SUV39H2: variants seen among roughly 807,000 people sequenced by gnomAD.
SUV39H2 encodes histone-lysine N-methyltransferase SUV39H2.
SUV39H2 carries 10 observed loss-of-function variants against 47.5 expected under a neutral mutation model. The ratio of observed to expected loss-of-function variants is 0.21; its 90% confidence interval spans 0.13 to 0.36. The LOEUF (loss-of-function observed/expected upper bound fraction) is 0.36, where lower values mean the gene tolerates loss of function less well. Among genes scored for constraint, SUV39H2 ranks in the 10% least tolerant of loss-of-function variants. The pLI is 1.00. For synonymous variants in SUV39H2, 159 were observed against 166.8 expected (o/e 0.95, Z 0.36); for missense variants, 266 against 487.4 (o/e 0.55, Z 4.28).
intron 4 of SUV39H2, among the ~76,000 whole-genome samples, chr10:14,900,245 G>T (rs1358044548): frequency 1.3e-5 from 2 of 152,070 alleles, no homozygotes; most frequent in African/African-American, 2.4e-5. Context: ...CAGAATTCTG[G>T]ACTCTAAATA....
intron 2 of SUV39H2, among the ~76,000 whole-genome samples, chr10:14,894,966 C>G (rs1833520137): frequency 6.6e-6 from 1 of 152,116 alleles, no homozygotes; most frequent in South Asian, 2.1e-4. Flanking sequence ...TCTCAATTAA[C>G]AAGATTTTTC....
chr10:14,894,857 C>A (rs1207193055), intron 2 of SUV39H2, among the ~76,000 whole-genome samples: 1 of 152,116 alleles, frequency 6.6e-6, no homozygotes, highest in Non-Finnish European at 1.5e-5. Context: ...ATGGCTTAGA[C>A]CTTTTGTCAT....
At chr10:14,879,891 A>C (rs1374382823) in intron 1 of SUV39H2, 1 of 148,068 alleles carries the variant, frequency 6.8e-6, no homozygotes, top group African/African-American at 2.5e-5. Context: ...TTCTTTTTTT[A>C]ACCACGTGTT....
At chr10:14,898,349 A>G (rs1833751330) in intron 3 of SUV39H2, 1 of 151,528 alleles carries the variant, frequency 6.6e-6, no homozygotes, top group Non-Finnish European at 1.5e-5. Context: ...AGTCTTCACC[A>G]TGGCACCACA....
chr10:14,881,658 T>C lies in SUV39H2; in HGVS notation c.177+13T>C, dbSNP rs1262044911. ...CAAGGTAGTAAAGGTAAGGCAAATA[T>C]CTAGCCCCTTACAAGAGACCTAATC... On this transcript the variant is annotated intron_variant, in intron 2 of 5. Transcript: ENST00000354919. 4 of 1,529,170 alleles carry C rather than the reference T, an allele frequency of 2.6e-6. No individual in the cohort carries two copies. The highest frequency in any genetic ancestry group is 2.6e-5 in the South Asian group (2 of 76,056). The allele number at this position is 1,529,170 out of a possible 1,614,324, so 94.7% of individuals were successfully genotyped here. A position where few individuals can be genotyped will look rare whatever the true frequency, so the allele number is the denominator to read the frequency against.
chr10:14,900,426 A>C (rs921882048), intron 4 of SUV39H2, among the ~76,000 whole-genome samples: 1 of 152,172 alleles, frequency 6.6e-6, no homozygotes, highest in African/African-American at 2.4e-5. Flanking sequence ...ACCATGTTAA[A>C]CTTCTGATGG....
chr10:14,887,524 A>C (rs781643812), intron 2 of SUV39H2, among the ~76,000 whole-genome samples: 1 of 152,250 alleles, frequency 6.6e-6, no homozygotes, highest in African/African-American at 2.4e-5. Context: ...AACTTAAACC[A>C]ACTGGAAGTG....
intron 2 of SUV39H2, among the ~76,000 whole-genome samples, chr10:14,886,590 C>T (rs1833216623): frequency 1.3e-5 from 2 of 152,202 alleles, no homozygotes; most frequent in Admixed American, 1.3e-4. Context: ...ACTAGGCCTT[C>T]CTGGCTTCAT....
At chr10:14,879,141 G>T (rs1357780569) in intron 1 of SUV39H2, 5 of 1,237,734 alleles carry the variant, frequency 4.0e-6, no homozygotes, top group East Asian at 3.3e-5. Flanking sequence ...GGCACTGTCC[G>T]AGCCTGGGGC....
intron 2 of SUV39H2, among the ~76,000 whole-genome samples, chr10:14,884,557 C>T (rs1318999289): frequency 6.6e-6 from 1 of 152,120 alleles, no homozygotes; most frequent in Non-Finnish European, 1.5e-5. Flanking sequence ...GGATACAAAT[C>T]CCTTATTAGT....
chr10:14,899,290 A>T (rs1001946357), intron 3 of SUV39H2: 10 of 702,108 alleles, frequency 1.4e-5, no homozygotes, highest in Non-Finnish European at 2.6e-5. Flanking sequence ...ACCGCATTCT[A>T]GCCTGAGTGA....
chr10:14,895,874 T>C (rs1354599538), intron 2 of SUV39H2, among the ~76,000 whole-genome samples: 3 of 151,882 alleles, frequency 2.0e-5, no homozygotes, highest in Non-Finnish European at 4.4e-5. Context: ...CTTAGTGTTC[T>C]TTTTTTTGTA....
Position 14,897,346 on chromosome 10 carries a change from C to T in SUV39H2, c.678C>T (p.Ile226=). ...TTAAAATCCCACCTGGTACTCCCATCTATGAATGCAACTCAAGGTGTCAGT... is the reference window on the plus strand; with the variant it reads ...TTAAAATCCCACCTGGTACTCCCATTTATGAATGCAACTCAAGGTGTCAGT... ...QQIKIPPGTP[I]YECNSRCQCG... is the part of the protein sequence containing the mutation. The change falls in exon 3 of 6, where the codon ATC becomes ATT. Residue 226 remains isoleucine (I), a synonymous_variant. Transcript: ENST00000354919. 2 of 1,613,016 alleles carry T rather than the reference C, an allele frequency of 1.2e-6. No homozygotes were observed. The highest frequency in any genetic ancestry group is 1.7e-6 in the Non-Finnish European group (2 of 1,179,856).
intron 4 of SUV39H2, 85 bp from the exon 5 acceptor site, chr10:14,901,048 C>G (rs1014389613): frequency 1.4e-5 from 22 of 1,517,870 alleles, no homozygotes; most frequent in Middle Eastern, 2.2e-4. Context: ...AACTAAATCT[C>G]TAGGAAAGTA....
chr10:14,885,451 C>T (rs989965361), intron 2 of SUV39H2, among the ~76,000 whole-genome samples: 1 of 152,176 alleles, frequency 6.6e-6, no homozygotes, highest in Non-Finnish European at 1.5e-5. Context: ...CCTGTTCATT[C>T]CTGCTGTGCT....
In SUV39H2 at chr10:14,902,869, T is replaced by TCAA. The variant is rs1216743597; in HGVS notation, c.*359_*361dup. On this transcript the variant is annotated 3_prime_UTR_variant, in exon 6 of 6. Coordinates refer to ENST00000354919, the MANE Select transcript of SUV39H2 (RefSeq NM_001193424.2). The stretch of plus-strand genomic sequence containing the variant: ...TAACAACTGCTGAGAGATCAAAGAT[T>TCAA]CAACTTGCCATACACCTCAAATTCG... 1 of 156,562 alleles carries TCAA rather than the reference T, an allele frequency of 6.4e-6. No homozygotes were observed. The highest frequency in any genetic ancestry group is 2.0e-4 in the South Asian group (1 of 5,104). The allele number at this position is 156,562 out of a possible 1,614,324, so 9.7% of individuals were successfully genotyped here. A position where few individuals can be genotyped will look rare whatever the true frequency, so the allele number is the denominator to read the frequency against.
chr10:14,879,112 G>C (rs887824965), intron 1 of SUV39H2, 193 bp downstream of exon 1: 2 of 1,268,842 alleles, frequency 1.6e-6, no homozygotes, highest in Non-Finnish European at 2.0e-6. Context: ...CTGCCCGGCC[G>C]GCTCCCGCCG....
chr10:14,887,112 T>C (rs1833235281), intron 2 of SUV39H2, among the ~76,000 whole-genome samples: 1 of 152,082 alleles, frequency 6.6e-6, no homozygotes, highest in South Asian at 2.1e-4. Context: ...AGGGGATTGA[T>C]AGGGAAAGGA....
At chr10:14,879,827 A>G (rs1832990163) in intron 1 of SUV39H2, 1 of 151,550 alleles carries the variant, frequency 6.6e-6, no homozygotes. Context: ...GAACTATTTA[A>G]TTTTGTCAGT....
Sources: gnomAD v4.1 joint callset for allele counts (sites outside exome capture counted in the v4.1 genomes callset) on GRCh38, gnomAD v4.1.1 for gene constraint, MANE v1.5 for transcripts, NCBI Gene and HGNC (gene_info 2026-07-23, HGNC 2026-07-21) for gene names.